The following PPEF1 variants were observed in gnomAD, a reference collection of about 807,000 sequenced individuals.
PPEF1 encodes the protein protein phosphatase with EF-hand domain 1.
PPEF1 carries 12 observed loss-of-function variants against 53.3 expected under a neutral mutation model. The observed-to-expected ratio is 0.23, with a 90% confidence interval of 0.14 to 0.36. The LOEUF is 0.36. Among genes scored for constraint, PPEF1 ranks in the 10% least tolerant of loss-of-function variants. The pLI, the probability that PPEF1 is intolerant of heterozygous loss-of-function variation, is 1.00. For missense variants in PPEF1, 334 were observed against 490.4 expected (o/e 0.68, Z 3.01); for synonymous variants, 165 against 176.7 (o/e 0.93, Z 0.52).
chrX:18,714,481 C>T (rs2044407856), intron 1 of PPEF1, among the ~76,000 whole-genome samples: 1 of 110,614 alleles, frequency 9.0e-6, no homozygotes, highest in South Asian at 3.8e-4. Context: ...CCATGTTGGC[C>T]AGGCTGGTCT....
chrX:18,778,929 A>T, intron 6 of PPEF1, 81 bp from the exon 7 acceptor site: 1 of 921,685 alleles, frequency 1.1e-6, no homozygotes, highest in African/African-American at 2.0e-5. Flanking sequence ...TTCCATATTA[A>T]CAGGGATGTT....
At chrX:18,785,594 C>A (rs1355835638) in intron 9 of PPEF1, among the ~76,000 whole-genome samples, 2 of 110,655 alleles carry the variant, frequency 1.8e-5, no homozygotes, top group South Asian at 3.9e-4. Flanking sequence ...AAAAAAATCC[C>A]AGTTGCAGCC....
Position 18,789,011 on chromosome X carries a change from T to C in PPEF1, c.913-110T>C, listed in dbSNP as rs1015648712. The C allele has an allele frequency of 1.0e-4, 98 of 947,845 alleles. 1 individual carries two copies. Among genetic ancestry groups the C allele is most frequent in the Non-Finnish European group, 1.3e-4 (92 of 690,152 alleles). 78.1% of individuals were successfully genotyped at this position (947,845 alleles called of 1,213,427 possible). A position where few individuals can be genotyped will look rare whatever the true frequency, so the allele number is the denominator to read the frequency against. The stretch of plus-strand genomic sequence containing the variant: ...AGATGCAAAAAGTGACCGTGTGTTT[T>C]TCATTGGGTTGTGGCACCACAACAT... On this transcript the variant is annotated intron_variant, in intron 9 of 15. Transcript: ENST00000470157.
At chrX:18,686,264 G>C (rs764517756) in intron 3 of PPEF1, 10 of 111,080 alleles carry the variant, frequency 9.0e-5, no homozygotes, top group East Asian at 2.8e-4. Flanking sequence ...AGGATGGAGG[G>C]CTCCGGCTCC....
chrX:18,680,252 TC>T (rs1044325048), upstream of PPEF1, among the ~76,000 whole-genome samples: 1 of 110,081 alleles, frequency 9.1e-6, no homozygotes, highest in African/African-American at 3.3e-5. Flanking sequence ...GAATAGTTTT[TC>T]CTTAGATCAC....
intron 1 of PPEF1, among the ~76,000 whole-genome samples, chrX:18,683,339 C>T (rs1445927042): frequency 9.0e-6 from 1 of 111,279 alleles, no homozygotes; most frequent in East Asian, 2.9e-4. Context: ...TCAGATAGTG[C>T]TAGTTGCTTA....
chrX:18,709,259 T>A (rs1321860949), intron 1 of PPEF1, among the ~76,000 whole-genome samples: 1 of 111,719 alleles, frequency 9.0e-6, no homozygotes, highest in Non-Finnish European at 1.9e-5. Context: ...CACTTTCTCC[T>A]CTCAGCCCCT....
At chrX:18,682,596 T>C (rs750525123), upstream of PPEF1, among the ~76,000 whole-genome samples, 40 of 111,513 alleles carry the variant, frequency 3.6e-4, no homozygotes, top group Middle Eastern at 9.2e-3. Context: ...GTCATGCATA[T>C]ACCATTGACT....
intron 11 of PPEF1, among the ~76,000 whole-genome samples, chrX:18,806,026 C>T (rs2046654389): frequency 9.1e-6 from 1 of 109,827 alleles, no homozygotes; most frequent in African/African-American, 3.3e-5. Flanking sequence ...ACCGAAGTAC[C>T]AGACAAATTT....
intron 1 of PPEF1, among the ~76,000 whole-genome samples, chrX:18,720,372 A>G (rs1176121843): frequency 9.0e-6 from 1 of 111,623 alleles, no homozygotes; most frequent in Admixed American, 9.5e-5. Context: ...CGGGCAGATC[A>G]CCTGAGGGCA....
intron 7 of PPEF1, among the ~76,000 whole-genome samples, chrX:18,780,388 A>G (rs1450277158): frequency 8.9e-6 from 1 of 112,358 alleles, no homozygotes; most frequent in Non-Finnish European, 1.9e-5. Context: ...TCAGGACAAG[A>G]CTGTTTAGAT....
intron 9 of PPEF1, among the ~76,000 whole-genome samples, chrX:18,786,539 T>C (rs2147612471): frequency 9.0e-6 from 1 of 111,102 alleles, no homozygotes; most frequent in East Asian, 2.8e-4. Context: ...CCTAGCACTT[T>C]TGGGAGGCTG....
intron 1 of PPEF1, among the ~76,000 whole-genome samples, chrX:18,720,500 G>A (rs771866598): frequency 9.0e-6 from 1 of 110,753 alleles, no homozygotes; most frequent in South Asian, 3.9e-4. Context: ...GCTGAAACAG[G>A]AGAATTGCTT....
chrX:18,742,983 CT>C (rs1253912028), intron 3 of PPEF1, among the ~76,000 whole-genome samples: 3 of 112,460 alleles, frequency 2.7e-5, no homozygotes, highest in African/African-American at 9.7e-5. Context: ...CTCTTAAGGC[CT>C]ATGTGCTAGA....
chrX:18,825,133 A>T (rs757310226), intron 14 of PPEF1, among the ~76,000 whole-genome samples: 2 of 112,169 alleles, frequency 1.8e-5, no homozygotes, highest in African/African-American at 6.5e-5. Context: ...AGATCCCCAT[A>T]CTTATTAGTT....
intron 7 of PPEF1, among the ~76,000 whole-genome samples, chrX:18,781,332 G>A (rs1480312130): frequency 3.6e-5 from 4 of 110,289 alleles, no homozygotes; most frequent in Admixed American, 9.7e-5. Flanking sequence ...CTGAAAGCCC[G>A]GGCAGGGATG....
At chrX:18,786,283 G>C (rs1169623257) in intron 9 of PPEF1, among the ~76,000 whole-genome samples, 1 of 111,598 alleles carries the variant, frequency 9.0e-6, no homozygotes. Context: ...GAGATCCCAA[G>C]TTGAGGGCCA....
intron 6 of PPEF1, among the ~76,000 whole-genome samples, chrX:18,774,953 A>T (rs2147560092): frequency 9.0e-6 from 1 of 111,020 alleles, no homozygotes; most frequent in South Asian, 3.8e-4. Flanking sequence ...TCTTTTTTTT[A>T]ACCATAGAAA....
At chrX:18,714,551 G>A (rs968998039) in intron 1 of PPEF1, among the ~76,000 whole-genome samples, 5 of 111,935 alleles carry the variant, frequency 4.5e-5, no homozygotes, top group African/African-American at 6.5e-5. Context: ...GATTATAGGC[G>A]TGAGCCACCG....
Sources: gnomAD v4.1 joint callset for allele counts (sites outside exome capture counted in the v4.1 genomes callset) on GRCh38, gnomAD v4.1.1 for gene constraint, MANE v1.5 for transcripts, NCBI Gene and HGNC (gene_info 2026-07-23, HGNC 2026-07-21) for gene names.